The following ZRANB1 variants were observed in gnomAD, a reference collection of about 807,000 sequenced individuals.
ZRANB1 encodes ubiquitin thioesterase ZRANB1.
In ZRANB1, 16 loss-of-function variants were observed where a neutral mutation model predicts 80.5. The observed-to-expected ratio is 0.20, with a 90% CI of 0.13 to 0.30. The LOEUF (loss-of-function observed/expected upper bound fraction) is 0.30. Ranked by LOEUF, ZRANB1 falls within the 10% of genes least tolerant of loss-of-function variation. The pLI is 1.00. For missense variants in ZRANB1, 576 were observed against 862.6 expected (o/e 0.67, Z 4.16); for synonymous variants, 291 against 293.1 (o/e 0.99, Z 0.07).
chr10:124,984,650 GA>G (rs1951993079), intron 8 of ZRANB1, 123 bp from the exon 9 acceptor site: 1 of 956,640 alleles, frequency 1.0e-6, no homozygotes, highest in African/African-American at 1.6e-5. Context: ...AAAACCATGT[GA>G]AAAGTTGATT....
chr10:124,942,345 T>C lies in ZRANB1; in HGVS notation c.-149T>C. 1.4e-6 allele frequency: 2 copies of C among 1,438,786 alleles called. No homozygotes were observed. Among genetic ancestry groups the C allele is most frequent in the South Asian group, 3.1e-5 (2 of 65,242 alleles). 89.1% of individuals were successfully genotyped at this position (1,438,786 alleles called of 1,614,324 possible). ...GATAATTCAATGTCGAAATGTTGCA[T>C]GCATCTTTTGAGAAATTTATATTTT... On this transcript the variant is annotated 5_prime_UTR_variant, in exon 1 of 9. An upstream start codon of the reference 5' UTR is lost. Transcript: ENST00000359653.
chr10:124,973,212 G>T (rs569928636), intron 3 of ZRANB1, among the ~76,000 whole-genome samples: 1 of 152,110 alleles, frequency 6.6e-6, no homozygotes, highest in African/African-American at 2.4e-5. Context: ...GAGTGCGGTG[G>T]CAGGATCACG....
intron 1 of ZRANB1, among the ~76,000 whole-genome samples, chr10:124,964,841 A>G (rs1048209756): frequency 1.6e-4 from 24 of 152,374 alleles, no homozygotes; most frequent in African/African-American, 2.2e-4. Context: ...CAGAAATGCT[A>G]TGAAGTGAAA....
chr10:124,933,311 G>A, the ZRANB1 span, among the ~76,000 whole-genome samples: 6 of 151,628 alleles, frequency 4.0e-5, no homozygotes, highest in South Asian at 8.3e-4. Flanking sequence ...TAATTTTTTC[G>A]TATTTTTAAT....
the ZRANB1 span, among the ~76,000 whole-genome samples, chr10:124,923,572 G>A: frequency 2.0e-5 from 3 of 151,824 alleles, no homozygotes; most frequent in Admixed American, 6.6e-5. Flanking sequence ...AGCCTGCCTC[G>A]GAAGAAAAGA....
At chr10:124,975,007 A>G (rs982125123) in intron 5 of ZRANB1, among the ~76,000 whole-genome samples, 3 of 152,212 alleles carry the variant, frequency 2.0e-5, no homozygotes, top group Non-Finnish European at 4.4e-5. Flanking sequence ...CATCTTTCCC[A>G]GGGTGGCTTT....
At chr10:124,970,509 G>A (rs1359191425) in intron 2 of ZRANB1, among the ~76,000 whole-genome samples, 1 of 152,074 alleles carries the variant, frequency 6.6e-6, no homozygotes. Context: ...TGATCCTCCT[G>A]CCTTGGCCTC....
the ZRANB1 span, among the ~76,000 whole-genome samples, chr10:124,922,260 A>AATATAT: frequency 1.8e-3 from 194 of 105,916 alleles, 3 homozygotes; most frequent in African/African-American, 6.5e-3. Context: ...ATATATGTAA[A>AATATAT]ATATATATAT....
chr10:124,981,918 A>G lies in ZRANB1; in HGVS notation c.1548+89A>G, dbSNP rs756474143. 35 of 1,517,390 alleles carry G rather than the reference A, an allele frequency of 2.3e-5. No individual in the cohort carries two copies. In the East Asian group the frequency reaches 4.8e-4, roughly 21 times the overall value. The allele number at this position is 1,517,390 out of a possible 1,614,324, so 94.0% of individuals were successfully genotyped here. On this transcript the variant is annotated intron_variant, in intron 6 of 8. Transcript: ENST00000359653. ...ATTTGAGCAAACCATGTTGGGGGCA[A>G]TGTGGTCAAAGAAAAGAATGCTTGA... is the stretch of plus-strand genomic sequence containing the variant.
upstream of ZRANB1, among the ~76,000 whole-genome samples, chr10:124,938,324 T>C (rs1196111700): frequency 2.0e-5 from 3 of 152,112 alleles, no homozygotes; most frequent in African/African-American, 7.2e-5. Flanking sequence ...TCAGATAATC[T>C]TCAATGAATT....
Position 124,945,409 on chromosome 10 carries a change from A to ATTTTTTTTTTT in ZRANB1, c.814+2117_814+2127dup, listed in dbSNP as rs57697692. The ATTTTTTTTTTT allele has an allele frequency of 1.3e-4, 16 of 123,554 alleles. 2 individuals carry two copies. The highest frequency in any genetic ancestry group is 6.1e-4 in the African/African-American group (16 of 26,102). 7.7% of individuals were successfully genotyped at this position (123,554 alleles called of 1,614,324 possible). ...ATGCCTTTGGAACAGTCTTAAAATC[A>ATTTTTTTTTTT]TTTTTTTTTTTTTTTTTTTTTTTTT... is the stretch of plus-strand genomic sequence containing the variant. On this transcript the variant is annotated intron_variant, in intron 1 of 8. Coordinates refer to ENST00000359653, the MANE Select transcript of ZRANB1 (RefSeq NM_017580.3).
At chr10:124,918,112 A>G in the ZRANB1 span, among the ~76,000 whole-genome samples, 1 of 152,172 alleles carries the variant, frequency 6.6e-6, no homozygotes, top group Non-Finnish European at 1.5e-5. Context: ...TCTTACCAGT[A>G]TTTTGGTTTC....
chr10:124,957,376 C>CT lies in ZRANB1; in HGVS notation c.815-9210dup, dbSNP rs145074197. On this transcript the variant is annotated intron_variant, in intron 1 of 8. Transcript: ENST00000359653. ...GAATAATGTCCTTGTATCATTGTTC[C>CT]TTTTTTTTGCAATTTATTTTGAGGT... Among the ~76,000 whole-genome samples the CT allele has an allele frequency of 7.8e-3, 1,181 of 151,662 alleles. 19 individuals are homozygous for CT. The highest frequency in any genetic ancestry group is 0.027 in the African/African-American group (1,116 of 41,378).
At chr10:124,964,811 G>A (rs992729331) in intron 1 of ZRANB1, among the ~76,000 whole-genome samples, 1 of 152,234 alleles carries the variant, frequency 6.6e-6, no homozygotes, top group Admixed American at 6.5e-5. Flanking sequence ...GGTCTGAAGG[G>A]AAAGGTCGTT....
chr10:124,952,755 C>T (rs1159226037), intron 1 of ZRANB1, among the ~76,000 whole-genome samples: 6 of 151,318 alleles, frequency 4.0e-5, no homozygotes, highest in East Asian at 2.0e-4. Flanking sequence ...GAATTATAGG[C>T]GCCCGCCAAC....
the ZRANB1 span, among the ~76,000 whole-genome samples, chr10:124,934,485 G>A: frequency 3.3e-5 from 5 of 152,310 alleles, no homozygotes; most frequent in South Asian, 1.0e-3. Context: ...TAGTTAACCA[G>A]CTTATGGGTT....
intron 1 of ZRANB1, among the ~76,000 whole-genome samples, chr10:124,947,758 G>A (rs1951597114): frequency 6.6e-6 from 1 of 151,884 alleles, no homozygotes; most frequent in Admixed American, 6.6e-5. Flanking sequence ...TTTCTCTTAT[G>A]CCCCACTTCT....
chr10:124,966,383 T>C (rs1191796072), intron 1 of ZRANB1, among the ~76,000 whole-genome samples: 1 of 152,038 alleles, frequency 6.6e-6, no homozygotes, highest in Non-Finnish European at 1.5e-5. Context: ...GATGGTAAGG[T>C]AAATGTCTAG....
intron 3 of ZRANB1, among the ~76,000 whole-genome samples, chr10:124,973,135 A>G (rs1444961749): frequency 6.6e-6 from 1 of 152,150 alleles, no homozygotes. Flanking sequence ...CAGAATGATT[A>G]GATTTTTAAA....
Sources: allele counts gnomAD v4.1 joint callset (sites outside exome capture counted in the v4.1 genomes callset), GRCh38; gene constraint gnomAD v4.1.1; transcripts MANE v1.5; gene names NCBI Gene and HGNC (gene_info 2026-07-23, HGNC 2026-07-21).